Variants in SLC24A3 observed in about 807,000 individuals in gnomAD.
The protein encoded by SLC24A3 is sodium/potassium/calcium exchanger 3.
SLC24A3 carries 28 observed loss-of-function variants against 75.8 expected under a neutral mutation model. The observed-to-expected ratio is 0.37, with a 90% confidence interval of 0.27 to 0.51. The LOEUF is 0.51. SLC24A3 is among the 20% of genes least tolerant of loss of function. The probability of loss-of-function intolerance (pLI) is 0.94; values close to 1 mark genes in which losing one functional copy is unlikely to be tolerated. For synonymous variants in SLC24A3, 372 were observed against 334.1 expected (o/e 1.11, Z -1.24); for missense variants, 663 against 847.8 (o/e 0.78, Z 2.71).
At chr20:19,436,786 G>T (rs1337052808) in intron 2 of SLC24A3, among the ~76,000 whole-genome samples, 1 of 152,122 alleles carries the variant, frequency 6.6e-6, no homozygotes, top group Non-Finnish European at 1.5e-5. Context: ...GTTACAGCTG[G>T]CACCTGTGCC....
chr20:19,419,979 TC>T (rs1315883598), intron 2 of SLC24A3, among the ~76,000 whole-genome samples: 2 of 92,704 alleles, frequency 2.2e-5, no homozygotes, highest in Non-Finnish European at 4.2e-5. Context: ...CCCTCCCCCC[TC>T]CCCCGACCCC....
intron 6 of SLC24A3, among the ~76,000 whole-genome samples, chr20:19,610,219 CT>C (rs1201517293): frequency 6.6e-6 from 1 of 151,700 alleles, no homozygotes; most frequent in Admixed American, 6.6e-5. Context: ...TTTTATTTTT[CT>C]TTTTGGTTTT....
At chr20:19,347,353 G>A (rs1019977628) in intron 2 of SLC24A3, among the ~76,000 whole-genome samples, 7 of 152,122 alleles carry the variant, frequency 4.6e-5, no homozygotes, top group Admixed American at 6.5e-5. Context: ...ATCAAAGGCT[G>A]ACCCTAATGT....
At chr20:19,605,603 C>T (rs766889937) in intron 6 of SLC24A3, among the ~76,000 whole-genome samples, 1 of 152,148 alleles carries the variant, frequency 6.6e-6, no homozygotes, top group South Asian at 2.1e-4. Context: ...AGCTGTAACA[C>T]GTGCTGTCTG....
intron 6 of SLC24A3, among the ~76,000 whole-genome samples, chr20:19,608,697 T>C (rs926937899): frequency 1.3e-5 from 2 of 152,124 alleles, no homozygotes; most frequent in Admixed American, 6.5e-5. Context: ...GAGGCAGAGG[T>C]TCTTCGTTGA....
intron 2 of SLC24A3, among the ~76,000 whole-genome samples, chr20:19,324,797 G>A (rs554834753): frequency 2.0e-5 from 3 of 152,244 alleles, no homozygotes; most frequent in South Asian, 2.1e-4. Flanking sequence ...GACACATGCC[G>A]TCCTGAGAAA....
intron 2 of SLC24A3, among the ~76,000 whole-genome samples, chr20:19,384,829 C>T (rs557221862): frequency 6.6e-6 from 1 of 152,272 alleles, no homozygotes; most frequent in South Asian, 2.1e-4. Context: ...TCTCCACATC[C>T]TTGCCAACAC....
chr20:19,468,917 G>C (rs1315718103), intron 2 of SLC24A3, among the ~76,000 whole-genome samples: 1 of 152,128 alleles, frequency 6.6e-6, no homozygotes, highest in Non-Finnish European at 1.5e-5. Context: ...AAGTAGGAAG[G>C]GAACGGTGGG....
At chr20:19,336,239 A>G (rs532651688) in intron 2 of SLC24A3, among the ~76,000 whole-genome samples, 57 of 152,296 alleles carry the variant, frequency 3.7e-4, no homozygotes, top group African/African-American at 1.1e-3. Context: ...TTTACTGGAC[A>G]TAGCCCATAG....
chr20:19,560,176 G>A (rs138642291), intron 3 of SLC24A3, among the ~76,000 whole-genome samples: 204 of 152,232 alleles, frequency 1.3e-3, no homozygotes, highest in African/African-American at 4.9e-3. Flanking sequence ...CGGAAAAAGA[G>A]GAAGCCAACA....
chr20:19,311,445 A>T (rs1352230710), intron 2 of SLC24A3, among the ~76,000 whole-genome samples: 1 of 152,156 alleles, frequency 6.6e-6, no homozygotes, highest in African/African-American at 2.4e-5. Context: ...AAGAAGAGAT[A>T]CAGTCCCAGC....
chr20:19,616,357 G>T (rs530786575), intron 6 of SLC24A3, among the ~76,000 whole-genome samples: 6 of 152,212 alleles, frequency 3.9e-5, no homozygotes, highest in Non-Finnish European at 7.3e-5. Flanking sequence ...TTCCTTGCAG[G>T]GAGTTTGTGT....
At chr20:19,663,360 T>A (rs889081897) in intron 7 of SLC24A3, among the ~76,000 whole-genome samples, 3 of 146,396 alleles carry the variant, frequency 2.0e-5, no homozygotes, top group Admixed American at 6.9e-5. Context: ...ATATTTGCCA[T>A]CAGCCACAGG....
At chr20:19,676,909 G>C (rs895329305) in intron 9 of SLC24A3, among the ~76,000 whole-genome samples, 14 of 152,122 alleles carry the variant, frequency 9.2e-5, no homozygotes, top group African/African-American at 3.4e-4. Flanking sequence ...GACAGTCATG[G>C]GACCTCAGCC....
intron 2 of SLC24A3, among the ~76,000 whole-genome samples, chr20:19,397,098 G>A (rs1568607771): frequency 6.6e-6 from 1 of 152,144 alleles, no homozygotes; most frequent in Non-Finnish European, 1.5e-5. Flanking sequence ...GTTTGTATAT[G>A]CGTTTGCATT....
At position 19,430,683 on chromosome 20, in the gene SLC24A3, C is replaced by T. The variant is rs114888784; in HGVS notation, c.272-84805C>T. ...GACCACATACTCACACACACATACA[C>T]ATTTGTATATGTGCACACTCAGTCA... On this transcript the variant is annotated intron_variant, in intron 2 of 16. Transcript: ENST00000328041. Among the ~76,000 whole-genome samples the T allele has an allele frequency of 4.1e-3, 624 of 152,256 alleles. 6 individuals are homozygous for T. The highest frequency in any genetic ancestry group is 0.014 in the African/African-American group (597 of 41,544).
intron 3 of SLC24A3, among the ~76,000 whole-genome samples, chr20:19,531,952 G>A (rs1274572591): frequency 6.6e-6 from 1 of 152,186 alleles, no homozygotes; most frequent in Non-Finnish European, 1.5e-5. Flanking sequence ...TGTTAGAGGT[G>A]AGGAAACTGA....
At chr20:19,557,575 A>G (rs972312680) in intron 3 of SLC24A3, among the ~76,000 whole-genome samples, 1 of 152,198 alleles carries the variant, frequency 6.6e-6, no homozygotes, top group African/African-American at 2.4e-5. Flanking sequence ...TGCAGACCTC[A>G]TGATTGCCTG....
intron 2 of SLC24A3, among the ~76,000 whole-genome samples, chr20:19,454,892 T>C (rs781465662): frequency 6.6e-6 from 1 of 152,076 alleles, no homozygotes; most frequent in Non-Finnish European, 1.5e-5. Flanking sequence ...TTTTCATCAG[T>C]GTTAGTATGA....
Sources: gnomAD v4.1 joint callset for allele counts (sites outside exome capture counted in the v4.1 genomes callset) on GRCh38, gnomAD v4.1.1 for gene constraint, MANE v1.5 for transcripts, NCBI Gene and HGNC (gene_info 2026-07-23, HGNC 2026-07-21) for gene names.